ALDH4A1: variants seen among roughly 807,000 people sequenced by gnomAD.
ALDH4A1 encodes delta-1-pyrroline-5-carboxylate dehydrogenase, mitochondrial.
ALDH4A1 carries 46 observed loss-of-function variants against 70.5 expected under a neutral mutation model. That is an observed-to-expected ratio of 0.65 (90% CI 0.51 to 0.83). The LOEUF (loss-of-function observed/expected upper bound fraction) is 0.83. Among genes scored for constraint, ALDH4A1 ranks in the 40% least tolerant of loss-of-function variants. The pLI is 0.00. For synonymous variants in ALDH4A1, 323 were observed against 324.3 expected (o/e 1.00, Z 0.04); for missense variants, 749 against 766.5 (o/e 0.98, Z 0.27).
At chr1:18,889,041 G>A (rs74999630) in intron 3 of ALDH4A1, among the ~76,000 whole-genome samples, 3,528 of 152,328 alleles carry the variant, frequency 0.023, 81 homozygotes, top group East Asian at 0.062. Flanking sequence ...TGAGGTGCTC[G>A]GGGCCCGGGG....
intron 11 of ALDH4A1, 21 bp downstream of exon 11, chr1:18,877,187 C>T (rs377293806): frequency 3.2e-5 from 52 of 1,605,122 alleles, no homozygotes; most frequent in African/African-American, 2.1e-4. Context: ...CACCCAGGAA[C>T]GCCCACTTCC....
chr1:18,898,407 G>A lies in ALDH4A1; in HGVS notation c.62+4055C>T, dbSNP rs908708441. Among the ~76,000 whole-genome samples, 26 of 152,278 alleles carry A rather than the reference G, an allele frequency of 1.7e-4. No individual in the cohort carries two copies. The highest frequency in any genetic ancestry group is 2.1e-4 in the South Asian group (1 of 4,818). The stretch of plus-strand genomic sequence containing the variant: ...TTAATTGGAATAAACAGAAGAGACC[G>A]AGGACATCTGAGTTCCATACCTCCC... On this transcript the variant is annotated intron_variant, in intron 1 of 14. Coordinates refer to ENST00000375341, the MANE Select transcript of ALDH4A1 (RefSeq NM_003748.4). This position sits in a 1 kb window ranked among gnomAD's most constrained non-coding sequence, Gnocchi z 4.3.
At position 18,877,685 on chromosome 1, in the gene ALDH4A1, C is replaced by T. The variant is rs1934776817; in HGVS notation, c.941-73G>A. 50 of 1,533,012 alleles carry T rather than the reference C, an allele frequency of 3.3e-5. No individual in the cohort carries two copies. In the South Asian group the frequency reaches 5.7e-4, roughly 17 times the overall value. The allele number at this position is 1,533,012 out of a possible 1,614,324, so 95.0% of individuals were successfully genotyped here. ...GGTTGCCCAGGGGCCCAAAACACCA[C>T]CTACGCCATCCATGGCCCGGGACCA... is the stretch of plus-strand genomic sequence containing the variant. On this transcript the variant is annotated intron_variant, in intron 9 of 14. Coordinates refer to ENST00000375341, the MANE Select transcript of ALDH4A1 (RefSeq NM_003748.4).
At chr1:18,875,630 T>C (rs1277822275) in intron 12 of ALDH4A1, 127 bp from the exon 13 acceptor site, 3 of 1,468,310 alleles carry the variant, frequency 2.0e-6, no homozygotes, top group Non-Finnish European at 2.8e-6. Context: ...CTTCAGTGTC[T>C]GCAAGAAGGG....
intron 1 of ALDH4A1, among the ~76,000 whole-genome samples, chr1:18,895,488 G>A (rs776453653): frequency 1.3e-5 from 2 of 152,196 alleles, no homozygotes; most frequent in South Asian, 2.1e-4. Context: ...ACTGGGATCC[G>A]ATCCATGAAG....
Position 18,886,523 on chromosome 1 carries a change from G to A in ALDH4A1, c.250-12C>T. The A allele has an allele frequency of 6.2e-7, 1 of 1,613,994 alleles. No homozygotes were observed. Among genetic ancestry groups the A allele is most frequent in the South Asian group, 1.1e-5 (1 of 91,066 alleles). On this transcript the variant is annotated splice_polypyrimidine_tract_variant and intron_variant, in intron 3 of 14. Coordinates refer to ENST00000375341, the MANE Select transcript of ALDH4A1 (RefSeq NM_003748.4). Reference sequence around the variant, plus strand: ...CCATGGTTAAAAGGCTGAAAGGAGAGAAGAGTGAGGTCCTTGCCCGGGAGG... The same window carrying A: ...CCATGGTTAAAAGGCTGAAAGGAGAAAAGAGTGAGGTCCTTGCCCGGGAGG...
chr1:18,886,487 C>T lies in ALDH4A1; in HGVS notation c.274G>A (p.Ala92Thr), dbSNP rs1935207682. 2 of 1,614,046 alleles carry T rather than the reference C, an allele frequency of 1.2e-6. No individual in the cohort carries two copies. The change falls in exon 4 of 15, where the codon GCC (alanine) becomes ACC (threonine). Residue 92 changes from alanine (A) to threonine (T), a missense_variant. Physicochemically the swap from Ala to Thr is moderately conservative, Grantham distance 58. Transcript: ENST00000375341. ...VSPFNHGHKVAKFCYADKSLL... is the reference protein window; with the variant it reads ...VSPFNHGHKVTKFCYADKSLL... ...ACCTTGTCTGCATAACAGAACTTGG[C>T]CACCTTATGTCCATGGTTAAAAGGC...
chr1:18,877,570 T>C lies in ALDH4A1; in HGVS notation c.983A>G (p.Asp328Gly). 6.5e-7 allele frequency: 1 copy of C among 1,549,822 alleles called. No homozygotes were observed. The highest frequency in any genetic ancestry group is 8.8e-7 in the Non-Finnish European group (1 of 1,141,434). Reference protein sequence around the residue: ...KNFHFVHRSADVESVVSGTLR... With the variant: ...KNFHFVHRSAGVESVVSGTLR... ...GGTCCCGCTCACCACGCTCTCCACG[T>C]CGGCCGAGCGGTGCACGAAGTGGAA... The change falls in exon 10 of 15, where the codon GAC becomes GGC. Residue 328 changes from aspartate (D) to glycine (G), a missense_variant. By Grantham distance (94) the Asp-to-Gly change is moderately conservative. Coordinates refer to ENST00000375341, the MANE Select transcript of ALDH4A1 (RefSeq NM_003748.4).
At chr1:18,885,441 G>GCCCCCCCCCCCCCCCCCCCCC in intron 5 of ALDH4A1, 32 bp downstream of exon 5, 1 of 423,746 alleles carries the variant, frequency 2.4e-6, no homozygotes, top group Non-Finnish European at 3.8e-6. Context: ...ACCCCACCCC[G>GCCCCCCCCCCCCCCCCCCCCC]CCCCACCCAC....
rs774981023 is a variant in ALDH4A1 at position 18,883,274 on chromosome 1, G to A, written c.603+5C>T. On this transcript the variant is annotated splice_donor_5th_base_variant and intron_variant, in intron 6 of 14. Coordinates refer to ENST00000375341, the MANE Select transcript of ALDH4A1 (RefSeq NM_003748.4). Reference sequence around the variant, plus strand: ...GCCTGCTCGCCCACTGCCTCCTGCAGGTACCTCCAGACCCCGGTACACCGT... The same window carrying A: ...GCCTGCTCGCCCACTGCCTCCTGCAAGTACCTCCAGACCCCGGTACACCGT... 1.2e-6 allele frequency: 2 copies of A among 1,613,220 alleles called. No individual in the cohort carries two copies. The highest frequency in any genetic ancestry group is 1.7e-6 in the Non-Finnish European group (2 of 1,180,022).
chr1:18,889,831 C>T (rs551238568), intron 2 of ALDH4A1, among the ~76,000 whole-genome samples, 181 bp downstream of exon 2: 3 of 152,348 alleles, frequency 2.0e-5, no homozygotes, highest in Admixed American at 2.0e-4. Flanking sequence ...AGGCTGCCAC[C>T]TTGGTCCTCC....
intron 4 of ALDH4A1, among the ~76,000 whole-genome samples, chr1:18,885,951 G>A (rs1935185812): frequency 6.6e-6 from 1 of 152,148 alleles, no homozygotes; most frequent in African/African-American, 2.4e-5. Flanking sequence ...GGGACCTGGT[G>A]CCCCTTAACC....
intron 1 of ALDH4A1, among the ~76,000 whole-genome samples, chr1:18,894,865 C>CTTTTTTTTTTTTTTTTTTTTTTTTTT (rs34445898): frequency 1.8e-5 from 2 of 109,966 alleles, no homozygotes; most frequent in Non-Finnish European, 1.8e-5. Context: ...TTCTTTCTTT[C>CTTTTTTTTTTTTTTTTTTTTTTTTTT]TTTTTTTTTT....
intron 1 of ALDH4A1, among the ~76,000 whole-genome samples, chr1:18,892,031 GAA>G (rs368286664): frequency 7.0e-6 from 1 of 143,596 alleles, no homozygotes; most frequent in African/African-American, 2.5e-5. Context: ...CCATCTCAAG[GAA>G]AAAAAAAAAA....
In ALDH4A1 at chr1:18,883,293, A is replaced by G. The variant is rs1179325804; in HGVS notation, c.589T>C (p.Tyr197His). Residue 197 changes from tyrosine (Y) to histidine (H), a missense_variant, in exon 6 of 15, where the codon TAC becomes CAC. Physicochemically the swap from Tyr to His is moderately conservative, Grantham distance 83 (BLOSUM62 2). Transcript: ENST00000375341. ...SVPPSTNSTVYRGLEGFVAAI... is the reference protein window; with the variant it reads ...SVPPSTNSTVHRGLEGFVAAI... Reference sequence around the variant, plus strand: ...CCTGCAGGTACCTCCAGACCCCGGTACACCGTGCTGTTGGTGCTCGGGGGC... The same window carrying G: ...CCTGCAGGTACCTCCAGACCCCGGTGCACCGTGCTGTTGGTGCTCGGGGGC... 6.2e-7 allele frequency: 1 copy of G among 1,613,256 alleles called. No individual in the cohort carries two copies.
chr1:18,875,425 T>C lies in ALDH4A1; in HGVS notation c.1417A>G (p.Thr473Ala), dbSNP rs6695033. 45,572 of 1,614,048 alleles carry C rather than the reference T, an allele frequency of 0.028. 1,503 individuals are homozygous for C. The highest frequency in any genetic ancestry group is 0.16 in the African/African-American group (12,256 of 74,978). The change falls in exon 13 of 15, where the codon ACC (threonine) becomes GCC (alanine). Residue 473 changes from threonine to alanine, a missense_variant. Thr to Ala is a moderately conservative substitution (Grantham distance 58). Transcript: ENST00000375341. ...GCCCCCGTGAGGCCATAGCTGGTGG[T>C]GCTGTCAACCAGCTGCAGCGTCTCC... Reference protein sequence around the residue: ...YKETLQLVDSTTSYGLTGAVF... With the variant: ...YKETLQLVDSATSYGLTGAVF...
In ALDH4A1 at chr1:18,875,522, C is replaced by T. The variant is rs1267804673; in HGVS notation, c.1339-19G>A. ...AGATCTCCTAGGAGAGAGGCCCCGG[C>T]GTCAGACCCTCCACGGGACCAGGGA... On this transcript the variant is annotated intron_variant, in intron 12 of 14. Transcript: ENST00000375341. 13 of 1,613,738 alleles carry T rather than the reference C, an allele frequency of 8.1e-6. No homozygotes were observed. Among genetic ancestry groups the T allele is most frequent in the South Asian group, 3.3e-5 (3 of 91,070 alleles).
rs1283491440 is a variant in ALDH4A1 at position 18,898,872 on chromosome 1, C to T, written c.62+3590G>A. On this transcript the variant is annotated intron_variant, in intron 1 of 14. Coordinates refer to ENST00000375341, the MANE Select transcript of ALDH4A1 (RefSeq NM_003748.4). The surrounding 1 kb of genome is among the most constrained non-coding windows in gnomAD (Gnocchi z 4.3). ...AAGCACTGCCTCAATGGCGCTTTCA[C>T]TACTTTAGAAGTGTGATGATAATCA... Among the ~76,000 whole-genome samples the T allele has an allele frequency of 6.6e-6, 1 of 152,248 alleles. No homozygotes were observed. The highest frequency in any genetic ancestry group is 6.5e-5 in the Admixed American group (1 of 15,284).
At chr1:18,888,567 C>T (rs28523548) in intron 3 of ALDH4A1, among the ~76,000 whole-genome samples, 25,198 of 152,246 alleles carry the variant, frequency 0.17, 2,469 homozygotes, top group Middle Eastern at 0.23. Context: ...CAGACGCCTG[C>T]GGAGCTACAG....
Sources: gnomAD v4.1 joint callset for allele counts (sites outside exome capture counted in the v4.1 genomes callset) on GRCh38, gnomAD v4.1.1 for gene constraint, Gnocchi (gnomAD v3.1) non-coding constraint, MANE v1.5 for transcripts, NCBI Gene and HGNC (gene_info 2026-07-23, HGNC 2026-07-21) for gene names.